Variants in LRGUK observed in about 807,000 individuals in gnomAD.
LRGUK encodes the protein leucine rich repeats and guanylate kinase domain containing, also known as leucine-rich repeat and guanylate kinase domain-containing protein.
A neutral mutation model predicts 76.0 loss-of-function variants in LRGUK; 65 were observed. The observed-to-expected ratio is 0.85, with a 90% CI of 0.70 to 1.05. The LOEUF is 1.05. LRGUK is among the 50% of genes least tolerant of loss of function. The pLI is 0.00. For synonymous variants in LRGUK, 268 were observed against 265.6 expected (o/e 1.01, Z -0.09); for missense variants, 758 against 732.8 (o/e 1.03, Z -0.40).
At chr7:134,178,377 G>A (rs372098245) in intron 9 of LRGUK, 126 bp from the exon 10 acceptor site, 1 of 580,320 alleles carries the variant, frequency 1.7e-6, no homozygotes, top group East Asian at 2.9e-5. Context: ...GTTAATGGGT[G>A]TGTGTTAAAT....
At chr7:134,178,702 ATTTCC>A in intron 10 of LRGUK, 93 bp downstream of exon 10, 2 of 871,510 alleles carry the variant, frequency 2.3e-6, no homozygotes, top group Non-Finnish European at 3.4e-6. Context: ...TGACCCCTTT[ATTTCC>A]TATAAAGGCT....
downstream of LRGUK, among the ~76,000 whole-genome samples, chr7:134,265,234 G>A (rs1398812248): frequency 2.6e-5 from 4 of 152,278 alleles, 1 homozygote; most frequent in South Asian, 8.3e-4. Flanking sequence ...AAATATTTTA[G>A]GGACAATAGA....
the LRGUK span, among the ~76,000 whole-genome samples, chr7:134,270,736 A>G: frequency 1.3e-5 from 2 of 152,270 alleles, no homozygotes; most frequent in Admixed American, 1.3e-4. Context: ...GCTATATAAT[A>G]TCACACTGTA....
chr7:134,231,432 C>T (rs1445943550), intron 16 of LRGUK, among the ~76,000 whole-genome samples: 3 of 137,006 alleles, frequency 2.2e-5, no homozygotes. Context: ...TCCTCCCTTC[C>T]TTTCTTCTTT....
chr7:134,247,018 C>G (rs746328165), intron 16 of LRGUK, among the ~76,000 whole-genome samples: 1 of 152,134 alleles, frequency 6.6e-6, no homozygotes, highest in Non-Finnish European at 1.5e-5. Flanking sequence ...AGACCATAAA[C>G]CTTTTGAATG....
intron 6 of LRGUK, among the ~76,000 whole-genome samples, chr7:134,161,512 C>T (rs1051933073): frequency 1.3e-4 from 20 of 151,872 alleles, no homozygotes; most frequent in Middle Eastern, 3.4e-3. Flanking sequence ...TGTAGATTAT[C>T]GGCATTCTAT....
In LRGUK at chr7:134,179,755, A is replaced by G. The variant is rs530708751; in HGVS notation, c.1214+1146A>G. Among the ~76,000 whole-genome samples the G allele has an allele frequency of 3.9e-5, 6 of 152,362 alleles. No homozygotes were observed. In the South Asian group the frequency reaches 1.2e-3, roughly 32 times the overall value. ...GATCATTTCTGGCTGTCAGGAAAAC[A>G]AGAATAAAGGCCAAGTAGGCCCAGA... On this transcript the variant is annotated intron_variant, in intron 10 of 15. Transcript: ENST00000645682.
At chr7:134,274,067 A>G in the LRGUK span, among the ~76,000 whole-genome samples, 2 of 152,188 alleles carry the variant, frequency 1.3e-5, no homozygotes, top group African/African-American at 4.8e-5. Context: ...GCTTTCTGTG[A>G]TGATGGAAAT....
In LRGUK at chr7:134,139,416, T is replaced by A. The variant is rs1248539911; in HGVS notation, c.406-20T>A. 1 of 1,538,910 alleles carries A rather than the reference T, an allele frequency of 6.5e-7. No individual in the cohort carries two copies. Among genetic ancestry groups the A allele is most frequent in the Admixed American group, 1.7e-5 (1 of 59,320 alleles). On this transcript the variant is annotated intron_variant, in intron 2 of 15. Coordinates refer to ENST00000645682, the Ensembl canonical transcript of LRGUK. ...ACCTGATAAAGCAACATTAAAGTCT[T>A]TTACCTTTTGTTTTCTCAGGGTTGT...
At chr7:134,237,050 CTTTT>C (rs10555261) in intron 16 of LRGUK, among the ~76,000 whole-genome samples, 4 of 75,168 alleles carry the variant, frequency 5.3e-5, no homozygotes, top group African/African-American at 8.4e-5. Context: ...TTTTCTCTTT[CTTTT>C]TTTTTTTTTT....
intron 1 of LRGUK, among the ~76,000 whole-genome samples, chr7:134,134,265 TCTGAGGTTTC>T (rs1202124727): frequency 6.6e-6 from 1 of 152,022 alleles, no homozygotes; most frequent in Non-Finnish European, 1.5e-5. Context: ...AACACTGGGG[TCTGAGGTTTC>T]CAGGGTGGAG....
chr7:134,157,679 C>T (rs1003135550), intron 5 of LRGUK, among the ~76,000 whole-genome samples: 2 of 152,178 alleles, frequency 1.3e-5, no homozygotes, highest in African/African-American at 4.8e-5. Flanking sequence ...CCCACCACCA[C>T]GCCCGGCTAA....
chr7:134,242,254 G>T (rs1459621623), intron 16 of LRGUK, among the ~76,000 whole-genome samples: 2 of 152,122 alleles, frequency 1.3e-5, no homozygotes, highest in East Asian at 3.9e-4. Context: ...AAAAATCAAT[G>T]AATCCAGGAG....
chr7:134,181,202 A>G (rs1336070935), intron 10 of LRGUK, among the ~76,000 whole-genome samples: 3 of 152,156 alleles, frequency 2.0e-5, no homozygotes, highest in Non-Finnish European at 4.4e-5. Context: ...GGGATATGGC[A>G]TCAGTATCCT....
At chr7:134,207,673 C>T (rs2117114127) in intron 15 of LRGUK, among the ~76,000 whole-genome samples, 1 of 152,274 alleles carries the variant, frequency 6.6e-6, no homozygotes, top group East Asian at 1.9e-4. Flanking sequence ...CCTGGTTTGC[C>T]TCTGGGGAAT....
At chr7:134,229,078 T>A (rs899786127) in intron 16 of LRGUK, among the ~76,000 whole-genome samples, 15 of 152,226 alleles carry the variant, frequency 9.9e-5, no homozygotes, top group African/African-American at 3.6e-4. Context: ...TTTAGTTTTT[T>A]AAAAATATAT....
chr7:134,183,252 A>G (rs1321096686), intron 10 of LRGUK, among the ~76,000 whole-genome samples: 1 of 152,240 alleles, frequency 6.6e-6, no homozygotes, highest in Non-Finnish European at 1.5e-5. Context: ...TGATAATTAA[A>G]TGAGGTAATG....
chr7:134,258,371 A>G, exon 19 of LRGUK: 1 of 1,614,042 alleles, frequency 6.2e-7, no homozygotes, highest in Non-Finnish European at 8.5e-7. Flanking sequence ...TAGGATCAGG[A>G]GCCAGTGACA....
exon 4 of LRGUK, chr7:134,143,116 A>G: frequency 6.2e-7 from 1 of 1,611,170 alleles, no homozygotes; most frequent in Non-Finnish European, 8.5e-7. Flanking sequence ...GCTTCTCAAA[A>G]TAATTTGACT....
Sources: allele counts gnomAD v4.1 joint callset (sites outside exome capture counted in the v4.1 genomes callset), GRCh38; gene constraint gnomAD v4.1.1; transcripts MANE v1.5; gene names NCBI Gene and HGNC (gene_info 2026-07-23, HGNC 2026-07-21).